LSAMP: variants seen among roughly 807,000 people sequenced by gnomAD.
LSAMP encodes the protein limbic system associated membrane protein, also known as limbic system-associated membrane protein.
A neutral mutation model predicts 38.6 loss-of-function variants in LSAMP; 7 were observed. The ratio of observed to expected loss-of-function variants is 0.18; its 90% confidence interval spans 0.10 to 0.34. The LOEUF (loss-of-function observed/expected upper bound fraction) is 0.34, where lower values mean the gene tolerates loss of function less well. Among genes scored for constraint, LSAMP ranks in the 10% least tolerant of loss-of-function variants. The pLI is 1.00. For missense variants in LSAMP, 313 were observed against 420.0 expected, an observed-to-expected ratio of 0.75 and a Z score of 2.23; for synonymous variants, 154 against 166.8, an observed-to-expected ratio of 0.92 and a Z score of 0.59.
chr3:116,069,766 AT>A (rs1707555012), intron 2 of LSAMP, among the ~76,000 whole-genome samples: 1 of 152,216 alleles, frequency 6.6e-6, no homozygotes, highest in Admixed American at 6.5e-5. Context: ...GGAGGCAAAG[AT>A]TAATTTATTT....
Position 116,166,412 on chromosome 3 carries a change from G to T in LSAMP, c.156-79856C>A, listed in dbSNP as rs116741125. ...GTCTGTATCCACAAAATTACAAGTG[G>T]CAGAACTAACAAGTGGACCCAGGCA... On this transcript the variant is annotated intron_variant, in intron 1 of 6. Coordinates refer to ENST00000490035, the MANE Select transcript of LSAMP (RefSeq NM_002338.5). 8.0e-3 allele frequency among the ~76,000 whole-genome samples: 1,214 copies of T among 152,242 alleles called. 21 individuals carry two copies. Among genetic ancestry groups the T allele is most frequent in the African/African-American group, 0.028 (1,157 of 41,536 alleles).
At chr3:116,072,265 G>A (rs996170222) in intron 2 of LSAMP, among the ~76,000 whole-genome samples, 7 of 152,110 alleles carry the variant, frequency 4.6e-5, no homozygotes, top group African/African-American at 1.2e-4. Context: ...GTGAGCCACC[G>A]CGCCCCGCCA....
chr3:116,339,626 C>T (rs779385128), intron 1 of LSAMP, among the ~76,000 whole-genome samples: 28 of 152,058 alleles, frequency 1.8e-4, no homozygotes, highest in Non-Finnish European at 3.2e-4. Flanking sequence ...AGGTGATACT[C>T]GGTGATTTCC....
intron 3 of LSAMP, among the ~76,000 whole-genome samples, chr3:115,856,092 G>A (rs181476161): frequency 6.6e-6 from 1 of 152,200 alleles, no homozygotes; most frequent in South Asian, 2.1e-4. Context: ...GTGTTGCAGG[G>A]ACCATGCCTT....
At chr3:116,411,454 T>G (rs2048976066) in intron 1 of LSAMP, among the ~76,000 whole-genome samples, 2 of 151,472 alleles carry the variant, frequency 1.3e-5, no homozygotes, top group Non-Finnish European at 1.5e-5. Context: ...CCATAAAAAA[T>G]GATGAGTTCA....
chr3:116,210,293 GTGGGTT>G (rs1342094179), intron 1 of LSAMP, among the ~76,000 whole-genome samples: 2 of 152,172 alleles, frequency 1.3e-5, no homozygotes, highest in African/African-American at 4.8e-5. Context: ...ATTTGAATTA[GTGGGTT>G]TGGAGAGGCA....
intron 3 of LSAMP, among the ~76,000 whole-genome samples, chr3:115,969,143 C>G (rs558075017): frequency 6.6e-6 from 1 of 152,290 alleles, no homozygotes; most frequent in South Asian, 2.1e-4. Flanking sequence ...AAACCAGGTA[C>G]TGTGATTGCT....
chr3:116,228,601 G>GT lies in LSAMP; in HGVS notation c.156-142046dup, dbSNP rs752039298. On this transcript the variant is annotated intron_variant, in intron 1 of 6. Transcript: ENST00000490035. ...AGTAAGTACACAATAAATGACAGCT[G>GT]TAACTATTACTATGATTCTTACCAG... 1.1e-3 allele frequency among the ~76,000 whole-genome samples: 169 copies of GT among 152,214 alleles called. 4 individuals carry two copies. The highest frequency in any genetic ancestry group is 2.6e-3 in the Admixed American group (39 of 15,284).
chr3:116,003,553 T>C (rs1940062503), intron 3 of LSAMP, among the ~76,000 whole-genome samples: 1 of 152,142 alleles, frequency 6.6e-6, no homozygotes, highest in Non-Finnish European at 1.5e-5. Context: ...TACAAGTCCT[T>C]ACCCCCAGTA....
At chr3:116,413,654 G>A (rs965154304) in intron 1 of LSAMP, among the ~76,000 whole-genome samples, 17 of 152,002 alleles carry the variant, frequency 1.1e-4, no homozygotes, top group African/African-American at 3.9e-4. Flanking sequence ...TGGTTCCTAT[G>A]CACATGCAGC....
At chr3:115,837,296 T>TTC (rs1398417375) in intron 6 of LSAMP, among the ~76,000 whole-genome samples, 1 of 150,678 alleles carries the variant, frequency 6.6e-6, no homozygotes, top group African/African-American at 2.4e-5. Context: ...AGTGTAGATT[T>TTC]TTTTTTTTGT....
rs113733240 is a variant in LSAMP, at chr3:116,214,487, G to C, written c.156-127931C>G. Among the ~76,000 whole-genome samples, 635 of 145,490 alleles carry C rather than the reference G, an allele frequency of 4.4e-3. 7 individuals carry two copies. Among genetic ancestry groups the C allele is most frequent in the African/African-American group, 0.015 (599 of 39,866 alleles). On this transcript the variant is annotated intron_variant, in intron 1 of 6. Transcript: ENST00000490035. Reference sequence around the variant, plus strand: ...TATAATGTGAGCCCTCAAATAAAGAGTAAAAATGGGTCTTTTTTTTTTTTT... The same window carrying C: ...TATAATGTGAGCCCTCAAATAAAGACTAAAAATGGGTCTTTTTTTTTTTTT...
At chr3:116,040,536 G>C (rs1019526084) in intron 2 of LSAMP, among the ~76,000 whole-genome samples, 11 of 152,142 alleles carry the variant, frequency 7.2e-5, no homozygotes, top group African/African-American at 2.7e-4. Flanking sequence ...TATTCCATTG[G>C]TTGTTTCTCA....
intron 1 of LSAMP, among the ~76,000 whole-genome samples, chr3:116,147,932 A>G (rs180674504): frequency 2.0e-5 from 3 of 151,916 alleles, no homozygotes; most frequent in African/African-American, 7.2e-5. Context: ...ACTCTTCCTT[A>G]TTCTTTCACT....
chr3:116,058,578 T>C (rs1417584768), intron 2 of LSAMP, among the ~76,000 whole-genome samples: 1 of 152,148 alleles, frequency 6.6e-6, no homozygotes, highest in Non-Finnish European at 1.5e-5. Context: ...ACTAGAAATA[T>C]AGTAATTTAC....
At chr3:116,173,507 A>G (rs1408437392) in intron 1 of LSAMP, among the ~76,000 whole-genome samples, 2 of 152,036 alleles carry the variant, frequency 1.3e-5, no homozygotes, top group Admixed American at 6.6e-5. Flanking sequence ...AAATGTGTAA[A>G]TCATTTTCTG....
At chr3:116,040,033 G>A (rs1171563109) in intron 2 of LSAMP, among the ~76,000 whole-genome samples, 1 of 152,080 alleles carries the variant, frequency 6.6e-6, no homozygotes, top group Non-Finnish European at 1.5e-5. Context: ...CTACTTACTG[G>A]GAGTGGAATT....
At chr3:116,353,039 G>A (rs2048162832) in intron 1 of LSAMP, among the ~76,000 whole-genome samples, 1 of 152,074 alleles carries the variant, frequency 6.6e-6, no homozygotes, top group African/African-American at 2.4e-5. Context: ...TGTACCCTTA[G>A]AGTTTTCTCA....
At chr3:115,861,167 TTCCTTCCTTCC>T (rs1935680826) in intron 3 of LSAMP, among the ~76,000 whole-genome samples, 4 of 117,298 alleles carry the variant, frequency 3.4e-5, no homozygotes, top group Admixed American at 1.1e-4. Context: ...CCTTCCTTCC[TTCCTTCCTTCC>T]TTCCTTCCTT....
Sources: gnomAD v4.1 joint callset for allele counts (sites outside exome capture counted in the v4.1 genomes callset) on GRCh38, gnomAD v4.1.1 for gene constraint, MANE v1.5 for transcripts, NCBI Gene and HGNC (gene_info 2026-07-23, HGNC 2026-07-21) for gene names.